ZNF185: variants seen among roughly 807,000 people sequenced by gnomAD.
ZNF185 encodes zinc finger protein 185 with LIM domain, also known as zinc finger protein 185.
A neutral mutation model predicts 58.6 loss-of-function variants in ZNF185; 56 were observed. The observed-to-expected ratio is 0.95, with a 90% CI of 0.77 to 1.19. The LOEUF is 1.19. ZNF185 is among the 50% of genes most tolerant of loss of function. The pLI, the probability that ZNF185 is intolerant of heterozygous loss-of-function variation, is 0.00. For synonymous variants in ZNF185, 230 were observed against 215.9 expected, an observed-to-expected ratio of 1.07 and a Z score of -0.57; for missense variants, 627 against 573.5, an observed-to-expected ratio of 1.09 and a Z score of -0.95.
At chrX:152,922,232 C>T (rs1939878624) in exon 10 of ZNF185, 2 of 1,188,679 alleles carry the variant, frequency 1.7e-6, no homozygotes, top group Non-Finnish European at 2.3e-6. Flanking sequence ...CCTGCTCTGG[C>T]AAGATCCACT....
At chrX:152,954,137 T>TA (rs36068481) in intron 16 of ZNF185, among the ~76,000 whole-genome samples, 1,687 of 94,567 alleles carry the variant, frequency 0.018, 35 homozygotes, top group African/African-American at 0.058. Context: ...CACAAAATAA[T>TA]AAAAAAAAAA....
chrX:152,936,598 A>G, intron 14 of ZNF185, 85 bp downstream of exon 16: 3 of 862,563 alleles, frequency 3.5e-6, no homozygotes, highest in Non-Finnish European at 4.9e-6. Flanking sequence ...GCACCCCAGG[A>G]TCCCCCTCGA....
At chrX:152,923,420 T>C (rs1569496667) in intron 11 of ZNF185, among the ~76,000 whole-genome samples, 1 of 112,498 alleles carries the variant, frequency 8.9e-6, no homozygotes, top group African/African-American at 3.2e-5. Context: ...GGCAGCAGAC[T>C]GCCAGGGTGC....
At chrX:152,917,445 C>T in intron 5 of ZNF185, 83 bp downstream of exon 6, 2 of 1,075,351 alleles carry the variant, frequency 1.9e-6, no homozygotes, top group Non-Finnish European at 2.6e-6. Flanking sequence ...CAGTGCTCTG[C>T]CTATCAGGAC....
At chrX:152,968,464 C>T (rs1398243879) in intron 20 of ZNF185, among the ~76,000 whole-genome samples, 4 of 112,733 alleles carry the variant, frequency 3.5e-5, no homozygotes, top group African/African-American at 1.3e-4. Flanking sequence ...TGCACAGACA[C>T]ACATGCACGC....
chrX:152,929,321 G>A (rs1209952486), intron 12 of ZNF185, among the ~76,000 whole-genome samples: 2 of 111,422 alleles, frequency 1.8e-5, no homozygotes, highest in African/African-American at 3.3e-5. Context: ...GGCAGGATTC[G>A]GGGGCTGGGG....
chrX:152,968,267 A>G (rs981428756), intron 20 of ZNF185, among the ~76,000 whole-genome samples: 9 of 112,221 alleles, frequency 8.0e-5, no homozygotes, highest in Non-Finnish European at 1.3e-4. Flanking sequence ...AGAGTTAACC[A>G]CTTACATAGG....
At chrX:152,908,543 C>T in the ZNF185 span, among the ~76,000 whole-genome samples, 1 of 112,436 alleles carries the variant, frequency 8.9e-6, no homozygotes, top group Non-Finnish European at 1.9e-5. Flanking sequence ...GTCCTGGAGT[C>T]ACATGTGGCA....
At chrX:152,935,888 G>C (rs782072294) in intron 14 of ZNF185, among the ~76,000 whole-genome samples, 2 of 112,065 alleles carry the variant, frequency 1.8e-5, no homozygotes, top group African/African-American at 6.5e-5. Context: ...CAGAGACACA[G>C]AGAATGTGAC....
intron 11 of ZNF185, 46 bp downstream of exon 12, chrX:152,922,855 T>C (rs1556870532): frequency 9.0e-7 from 1 of 1,117,094 alleles, no homozygotes; most frequent in Non-Finnish European, 1.2e-6. Flanking sequence ...GTGTGATGGC[T>C]TCCCGCCAGC....
intron 16 of ZNF185, among the ~76,000 whole-genome samples, chrX:152,954,137 T>TAAA (rs36068481): frequency 2.1e-5 from 2 of 94,630 alleles, no homozygotes; most frequent in African/African-American, 7.8e-5. Flanking sequence ...CACAAAATAA[T>TAAA]AAAAAAAAAA....
chrX:152,901,207 A>G, the ZNF185 span, among the ~76,000 whole-genome samples: 2 of 110,743 alleles, frequency 1.8e-5, no homozygotes, highest in South Asian at 3.8e-4. Flanking sequence ...CATGCCTACT[A>G]AAGTCTGACT....
At chrX:152,911,673 A>ATCCC (rs1937275972), upstream of ZNF185, among the ~76,000 whole-genome samples, 2 of 33,318 alleles carry the variant, frequency 6.0e-5, no homozygotes, top group Non-Finnish European at 1.1e-4. Context: ...CATCCCTCCC[A>ATCCC]TCCCACCCCA....
At chrX:152,938,505 G>C (rs782028178) in intron 15 of ZNF185, among the ~76,000 whole-genome samples, 20 of 111,961 alleles carry the variant, frequency 1.8e-4, no homozygotes, top group Middle Eastern at 4.7e-3. Flanking sequence ...GTGGGCAAAG[G>C]CTGGTCCAGA....
chrX:152,944,381 A>G (rs184653733), intron 15 of ZNF185, among the ~76,000 whole-genome samples: 2 of 112,387 alleles, frequency 1.8e-5, no homozygotes, highest in Admixed American at 1.9e-4. Flanking sequence ...TGGGAAGGTT[A>G]TATTCAGAGT....
chrX:152,909,998 C>T (rs1211972892), upstream of ZNF185, among the ~76,000 whole-genome samples: 1 of 108,230 alleles, frequency 9.2e-6, no homozygotes, highest in African/African-American at 3.4e-5. Flanking sequence ...ACCTCCGCCT[C>T]CCAGGTTCAA....
the ZNF185 span, among the ~76,000 whole-genome samples, chrX:152,898,108 A>ACCGTGCACCGCGCCCCGCCCC: frequency 9.6e-6 from 1 of 104,075 alleles, no homozygotes; most frequent in Non-Finnish European, 2.0e-5. Flanking sequence ...CCCGCTGTGC[A>ACCGTGCACCGCGCCCCGCCCC]CCGCGCCCCG....
chrX:152,916,082 C>T (rs2125289553), intron 3 of ZNF185, among the ~76,000 whole-genome samples: 1 of 112,199 alleles, frequency 8.9e-6, no homozygotes, highest in East Asian at 2.8e-4. Context: ...GGGCAACTGA[C>T]GTCCCAGCAG....
At chrX:152,927,503 A>G (rs1556873511) in intron 11 of ZNF185, among the ~76,000 whole-genome samples, 1 of 111,158 alleles carries the variant, frequency 9.0e-6, no homozygotes, top group Non-Finnish European at 1.9e-5. Flanking sequence ...TTAAAGTGCC[A>G]GTCTGAACCT....
Sources: allele counts gnomAD v4.1 joint callset (sites outside exome capture counted in the v4.1 genomes callset), GRCh38; gene constraint gnomAD v4.1.1; transcripts MANE v1.5; gene names NCBI Gene and HGNC (gene_info 2026-07-23, HGNC 2026-07-21).